The following MAST2 variants were observed in gnomAD, a reference collection of about 807,000 sequenced individuals.
MAST2 encodes the protein microtubule-associated serine/threonine-protein kinase 2.
Under a neutral mutation model 147.4 loss-of-function variants are expected in MAST2, and 70 were observed. The ratio of observed to expected loss-of-function variants is 0.47; its 90% CI spans 0.39 to 0.58. MAST2 has a LOEUF of 0.58. Among genes scored for constraint, MAST2 ranks in the 20% least tolerant of loss-of-function variants. The pLI, the probability that MAST2 is intolerant of heterozygous loss-of-function variation, is 0.00. For missense variants in MAST2, 2,080 were observed against 2,302.3 expected (o/e 0.90, Z 1.98); for synonymous variants, 869 against 896.8 (o/e 0.97, Z 0.55).
chr1:45,868,727 A>C (rs1328203248), intron 3 of MAST2, among the ~76,000 whole-genome samples: 1 of 152,182 alleles, frequency 6.6e-6, no homozygotes. Flanking sequence ...CATCTTACAA[A>C]ATGTGATTCA....
chr1:46,005,378 A>G (rs889275362), intron 7 of MAST2, among the ~76,000 whole-genome samples: 37 of 151,396 alleles, frequency 2.4e-4, no homozygotes, highest in African/African-American at 8.5e-4. Context: ...AAAAAAAAAA[A>G]CCCCAGATCA....
intron 11 of MAST2, among the ~76,000 whole-genome samples, chr1:46,020,426 T>C (rs1262008126): frequency 6.6e-6 from 1 of 152,116 alleles, no homozygotes; most frequent in African/African-American, 2.4e-5. Context: ...ATGGAGGGTG[T>C]CGGGTTCTCG....
rs142312565 is a variant in MAST2, at chr1:46,029,483, G to A, written c.2236G>A (p.Glu746Lys). The part of the protein sequence containing the change: ...QVISDEIVWP[E>K]GDEALPPDAQ... ...GACTTCAGATGAGATTGTGTGGCCT[G>A]AGGGTGATGAGGCACTGCCCCCAGA... The change falls in exon 19 of 29, where the codon GAG becomes AAG. Residue 746 changes from glutamate (E) to lysine (K), a missense_variant. By Grantham distance (56) the Glu-to-Lys change is moderately conservative. Coordinates refer to ENST00000361297, the MANE Select transcript of MAST2 (RefSeq NM_015112.3). 1.0e-3 allele frequency: 1,663 copies of A among 1,614,000 alleles called. 19 individuals carry two copies. In the African/African-American group the frequency reaches 0.02, roughly 19 times the overall value.
intron 4 of MAST2, among the ~76,000 whole-genome samples, chr1:45,884,631 A>T (rs1322561427): frequency 6.6e-6 from 1 of 152,356 alleles, no homozygotes; most frequent in East Asian, 1.9e-4. Flanking sequence ...TTAAGATTCA[A>T]TTAGATAAAT....
At chr1:46,020,009 T>G (rs989123653) in intron 11 of MAST2, among the ~76,000 whole-genome samples, 4 of 152,122 alleles carry the variant, frequency 2.6e-5, no homozygotes, top group Non-Finnish European at 5.9e-5. Context: ...AGTTGAGTCC[T>G]TCATTTTATC....
intron 3 of MAST2, among the ~76,000 whole-genome samples, chr1:45,836,560 C>T (rs995065549): frequency 6.6e-6 from 1 of 152,038 alleles, no homozygotes; most frequent in East Asian, 1.9e-4. Context: ...GTTTGTTTTA[C>T]CTACTTCAGT....
intron 5 of MAST2, among the ~76,000 whole-genome samples, chr1:45,990,260 A>G (rs780535088): frequency 1.8e-4 from 27 of 152,148 alleles, no homozygotes; most frequent in African/African-American, 2.9e-4. Flanking sequence ...TGAGTATCCA[A>G]TTGTAGTTTT....
At chr1:46,030,282 T>C (rs1311946453) in intron 21 of MAST2, 44 bp downstream of exon 21, 1 of 1,584,768 alleles carries the variant, frequency 6.3e-7, no homozygotes, top group Non-Finnish European at 8.6e-7. Flanking sequence ...GGCTGGAGGA[T>C]CAGAAGAAGA....
intron 3 of MAST2, among the ~76,000 whole-genome samples, chr1:45,856,570 T>C (rs1033809742): frequency 2.0e-5 from 3 of 152,226 alleles, no homozygotes; most frequent in Non-Finnish European, 4.4e-5. Flanking sequence ...CTTTGAGTGT[T>C]ACATGTCGTT....
chr1:45,997,864 T>A, intron 6 of MAST2, 65 bp downstream of exon 6: 1 of 1,306,238 alleles, frequency 7.7e-7, no homozygotes, highest in Non-Finnish European at 1.1e-6. Flanking sequence ...GTTAATTGAA[T>A]GTCAGATTCC....
At chr1:45,981,479 T>G (rs1644405176) in intron 5 of MAST2, among the ~76,000 whole-genome samples, 1 of 152,174 alleles carries the variant, frequency 6.6e-6, no homozygotes, top group African/African-American at 2.4e-5. Flanking sequence ...ATCTGTGAGG[T>G]TAGGAATCTT....
chr1:45,870,610 CTT>C (rs993953573), intron 3 of MAST2, among the ~76,000 whole-genome samples: 2 of 150,920 alleles, frequency 1.3e-5, no homozygotes, highest in Non-Finnish European at 3.0e-5. Flanking sequence ...TATTAAGACT[CTT>C]TTTTTTCATT....
At chr1:46,020,416 A>G (rs1646136113) in intron 11 of MAST2, among the ~76,000 whole-genome samples, 1 of 152,188 alleles carries the variant, frequency 6.6e-6, no homozygotes, top group Non-Finnish European at 1.5e-5. Flanking sequence ...TGACAGGGTC[A>G]TGGAGGGTGT....
intron 4 of MAST2, among the ~76,000 whole-genome samples, chr1:45,947,223 C>A (rs573831987): frequency 7.3e-5 from 11 of 149,918 alleles, no homozygotes; most frequent in Non-Finnish European, 1.3e-4. Context: ...GTTTTACAAG[C>A]CAATCTTTTG....
intron 4 of MAST2, among the ~76,000 whole-genome samples, chr1:45,941,895 T>C (rs1657350310): frequency 6.6e-6 from 1 of 152,250 alleles, no homozygotes; most frequent in South Asian, 2.1e-4. Flanking sequence ...TATGAAGAAG[T>C]GTTTGGAGAG....
intron 5 of MAST2, among the ~76,000 whole-genome samples, chr1:45,987,778 T>TTTTTTTTTTTTTTTTC (rs1644701694): frequency 1.9e-4 from 1 of 5,186 alleles, no homozygotes; most frequent in Non-Finnish European, 3.4e-4. Context: ...TTTTTTTTGA[T>TTTTTTTTTTTTTTTTC]TTTTTTTTTT....
intron 4 of MAST2, among the ~76,000 whole-genome samples, chr1:45,910,994 C>T (rs1651569745): frequency 6.6e-6 from 1 of 152,140 alleles, no homozygotes; most frequent in Admixed American, 6.5e-5. Flanking sequence ...AGAGGAAACC[C>T]CATTTCTTTA....
intron 4 of MAST2, among the ~76,000 whole-genome samples, chr1:45,935,006 A>G (rs1358650199): frequency 6.6e-6 from 1 of 152,236 alleles, no homozygotes; most frequent in East Asian, 1.9e-4. Flanking sequence ...GAACTAATTT[A>G]CAATTCCACC....
At chr1:45,818,530 T>G (rs1644524359) in intron 1 of MAST2, among the ~76,000 whole-genome samples, 1 of 152,238 alleles carries the variant, frequency 6.6e-6, no homozygotes, top group African/African-American at 2.4e-5. Context: ...AGGCACCCAC[T>G]TAACGAGCTT....
Sources: allele counts gnomAD v4.1 joint callset (sites outside exome capture counted in the v4.1 genomes callset), GRCh38; gene constraint gnomAD v4.1.1; transcripts MANE v1.5; gene names NCBI Gene and HGNC (gene_info 2026-07-23, HGNC 2026-07-21).